SPOCK3: variants seen among roughly 807,000 people sequenced by gnomAD.
SPOCK3 encodes the protein SPARC (osteonectin), cwcv and kazal like domains proteoglycan 3.
In SPOCK3, 30 loss-of-function variants were observed where a neutral mutation model predicts 56.6. The observed-to-expected ratio is 0.53, with a 90% confidence interval of 0.40 to 0.72. The LOEUF (loss-of-function observed/expected upper bound fraction) is 0.72. SPOCK3 is among the 30% of genes least tolerant of loss of function. SPOCK3 has a pLI of 0.00. For synonymous variants in SPOCK3, 196 were observed against 183.3 expected (o/e 1.07, Z -0.56); for missense variants, 527 against 530.0 (o/e 0.99, Z 0.06).
intron 2 of SPOCK3, among the ~76,000 whole-genome samples, chr4:167,160,835 A>G (rs1241971845): frequency 6.6e-6 from 1 of 152,202 alleles, no homozygotes; most frequent in Non-Finnish European, 1.5e-5. Flanking sequence ...CTGGCTAGCC[A>G]TATGTAGAAA....
intron 6 of SPOCK3, among the ~76,000 whole-genome samples, chr4:166,852,101 A>G (rs1211307441): frequency 3.3e-5 from 5 of 151,490 alleles, no homozygotes; most frequent in African/African-American, 1.2e-4. Context: ...GAACAATGAG[A>G]ACACATGGAC....
At chr4:166,873,878 G>T (rs944881912) in intron 6 of SPOCK3, among the ~76,000 whole-genome samples, 2 of 152,078 alleles carry the variant, frequency 1.3e-5, no homozygotes, top group African/African-American at 4.8e-5. Flanking sequence ...AGGCAAATTG[G>T]CATCAAAGAT....
intron 2 of SPOCK3, among the ~76,000 whole-genome samples, chr4:167,074,840 T>C (rs764104987): frequency 6.6e-6 from 1 of 151,842 alleles, no homozygotes; most frequent in African/African-American, 2.4e-5. Flanking sequence ...GAAAGAGAGG[T>C]CAAATCTCAC....
intron 4 of SPOCK3, among the ~76,000 whole-genome samples, chr4:166,941,201 G>A (rs1191302773): frequency 1.3e-5 from 2 of 151,398 alleles, no homozygotes; most frequent in African/African-American, 4.9e-5. Context: ...GTAGAAAAAA[G>A]CTGGTCAATT....
intron 3 of SPOCK3, among the ~76,000 whole-genome samples, chr4:167,002,407 T>A (rs1367056809): frequency 6.6e-6 from 1 of 152,142 alleles, no homozygotes; most frequent in Non-Finnish European, 1.5e-5. Flanking sequence ...TTAACACATA[T>A]CATTGGTGAC....
chr4:166,822,749 C>T (rs1745061982), intron 6 of SPOCK3, among the ~76,000 whole-genome samples: 1 of 151,950 alleles, frequency 6.6e-6, no homozygotes, highest in African/African-American at 2.4e-5. Flanking sequence ...GTCTTCTGTT[C>T]AGTCCATCTA....
chr4:167,073,090 T>G (rs1189242628), intron 2 of SPOCK3, among the ~76,000 whole-genome samples: 1 of 151,704 alleles, frequency 6.6e-6, no homozygotes, highest in Non-Finnish European at 1.5e-5. Context: ...TATTAATACA[T>G]TTGTATCATA....
intron 8 of SPOCK3, among the ~76,000 whole-genome samples, chr4:166,744,208 G>T (rs1560810270): frequency 6.6e-6 from 1 of 152,146 alleles, no homozygotes; most frequent in Non-Finnish European, 1.5e-5. Flanking sequence ...CCTCCCAATA[G>T]GGGCTGACTG....
At chr4:167,084,355 A>C (rs1757994391) in intron 2 of SPOCK3, among the ~76,000 whole-genome samples, 1 of 152,016 alleles carries the variant, frequency 6.6e-6, no homozygotes, top group Admixed American at 6.6e-5. Context: ...TTTTAAGTTC[A>C]GTTTCTCTGC....
At chr4:167,171,726 C>T (rs983290965) in intron 2 of SPOCK3, among the ~76,000 whole-genome samples, 8 of 151,986 alleles carry the variant, frequency 5.3e-5, no homozygotes, top group Admixed American at 5.2e-4. Context: ...TTATATCTAA[C>T]TTTGCATTAA....
chr4:166,990,664 C>A (rs2059734), intron 4 of SPOCK3, among the ~76,000 whole-genome samples: 100,663 of 151,844 alleles, frequency 0.66, 34,756 homozygotes, highest in East Asian at 0.84. Context: ...AGGTTTAGCT[C>A]TAATTTACCC....
At chr4:167,036,091 T>C (rs771672200) in intron 3 of SPOCK3, among the ~76,000 whole-genome samples, 4 of 152,216 alleles carry the variant, frequency 2.6e-5, no homozygotes, top group Non-Finnish European at 4.4e-5. Flanking sequence ...ATTTAATCTA[T>C]CTTGCCCAAA....
At chr4:166,857,954 G>A (rs1043039598) in intron 6 of SPOCK3, among the ~76,000 whole-genome samples, 1 of 152,052 alleles carries the variant, frequency 6.6e-6, no homozygotes, top group African/African-American at 2.4e-5. Context: ...TCAACCTATA[G>A]TCCAAAAGTA....
intron 9 of SPOCK3, among the ~76,000 whole-genome samples, chr4:166,738,995 T>C (rs1734544453): frequency 2.6e-5 from 4 of 152,062 alleles, no homozygotes; most frequent in Non-Finnish European, 5.9e-5. Flanking sequence ...AGTAATGGGA[T>C]GGCTGGGTCA....
At chr4:166,838,417 A>C (rs1374479968) in intron 6 of SPOCK3, among the ~76,000 whole-genome samples, 1 of 151,784 alleles carries the variant, frequency 6.6e-6, no homozygotes, top group Non-Finnish European at 1.5e-5. Context: ...TTATTACTCT[A>C]TCTTTAAGTT....
rs531051234 is a variant in SPOCK3, at chr4:166,963,027, TC to T, written c.350+37321del. On this transcript the variant is annotated intron_variant, in intron 4 of 10. Coordinates refer to ENST00000357545, the MANE Select transcript of SPOCK3 (RefSeq NM_001040159.2). ...ATGCAGTCATTCACACACACTATGT[TC>T]TAGGTAGGACAATTTGCCTTCTCTT... 2.1e-3 allele frequency among the ~76,000 whole-genome samples: 321 copies of T among 152,184 alleles called. 1 individual carries two copies. Among genetic ancestry groups the T allele is most frequent in the African/African-American group, 7.3e-3 (302 of 41,558 alleles).
At chr4:166,792,356 A>T in intron 6 of SPOCK3, 67 bp from the exon 7 acceptor site, 1 of 1,547,788 alleles carries the variant, frequency 6.5e-7, no homozygotes, top group Non-Finnish European at 8.9e-7. Context: ...TATTTCTCTC[A>T]TTAGTCCAAT....
At chr4:167,022,703 T>G (rs1295170575) in intron 3 of SPOCK3, among the ~76,000 whole-genome samples, 1 of 152,004 alleles carries the variant, frequency 6.6e-6, no homozygotes, top group African/African-American at 2.4e-5. Context: ...CTATTAGAGT[T>G]TAGGGCAGCA....
At chr4:167,090,065 C>T (rs549090195) in intron 2 of SPOCK3, among the ~76,000 whole-genome samples, 42 of 152,192 alleles carry the variant, frequency 2.8e-4, no homozygotes, top group Admixed American at 7.9e-4. Flanking sequence ...GGGGTAATTA[C>T]GAACCAAAGT....
Sources: gnomAD v4.1 joint callset for allele counts (sites outside exome capture counted in the v4.1 genomes callset) on GRCh38, gnomAD v4.1.1 for gene constraint, MANE v1.5 for transcripts, NCBI Gene and HGNC (gene_info 2026-07-23, HGNC 2026-07-21) for gene names.